Variants in IRAG1 observed in about 807,000 individuals in gnomAD.
The protein encoded by IRAG1 is inositol 1,4,5-triphosphate receptor associated 1.
In IRAG1, 62 loss-of-function variants were observed where a neutral mutation model predicts 106.2. That is an observed-to-expected ratio of 0.58 (90% CI 0.48 to 0.72). The LOEUF (loss-of-function observed/expected upper bound fraction) is 0.72. IRAG1 is among the 30% of genes least tolerant of loss of function. The pLI is 0.00. For synonymous variants in IRAG1, 462 were observed against 443.9 expected, an observed-to-expected ratio of 1.04 and a Z score of -0.51; for missense variants, 1,064 against 1,140.7, an observed-to-expected ratio of 0.93 and a Z score of 0.97.
At chr11:10,579,788 G>A (rs1851209473) in intron 20 of IRAG1, among the ~76,000 whole-genome samples, 1 of 152,138 alleles carries the variant, frequency 6.6e-6, no homozygotes, top group African/African-American at 2.4e-5. Context: ...GGCCAGGCAG[G>A]AACCACAAGT....
chr11:10,581,260 G>A (rs1851361800), intron 19 of IRAG1, among the ~76,000 whole-genome samples: 1 of 152,140 alleles, frequency 6.6e-6, no homozygotes. Context: ...TGTGCCAGTG[G>A]GAAGCTATGT....
chr11:10,667,529 CAT>C (rs1859880686), intron 1 of IRAG1, among the ~76,000 whole-genome samples: 1 of 152,134 alleles, frequency 6.6e-6, no homozygotes, highest in South Asian at 2.1e-4. Flanking sequence ...ATTCCCTACT[CAT>C]AAAAATCTAG....
intron 2 of IRAG1, among the ~76,000 whole-genome samples, chr11:10,649,518 C>T (rs1016234057): frequency 3.3e-5 from 5 of 152,168 alleles, no homozygotes; most frequent in Non-Finnish European, 7.3e-5. Flanking sequence ...GGTCTCTTGA[C>T]CAGAATGTAG....
At position 10,647,569 on chromosome 11, in the gene IRAG1, T is replaced by C. The variant is rs1858065490; in HGVS notation, c.225+4456A>G. On this transcript the variant is annotated intron_variant, in intron 2 of 20. Transcript: ENST00000423302. This position sits in a 1 kb window ranked among gnomAD's most constrained non-coding sequence, Gnocchi z 4.3. Reference sequence around the variant, plus strand: ...GCTTCTAAAACCCTTTGGAGGAGGATGGGAGTTGTTCAGGTGGAAGCTAGA... The same window carrying C: ...GCTTCTAAAACCCTTTGGAGGAGGACGGGAGTTGTTCAGGTGGAAGCTAGA... Among the ~76,000 whole-genome samples the C allele has an allele frequency of 6.6e-6, 1 of 152,104 alleles. No individual in the cohort carries two copies. The highest frequency in any genetic ancestry group is 2.1e-4 in the South Asian group (1 of 4,818).
At chr11:10,688,370 G>A (rs1050562782) in intron 1 of IRAG1, among the ~76,000 whole-genome samples, 7 of 152,106 alleles carry the variant, frequency 4.6e-5, no homozygotes, top group African/African-American at 1.7e-4. Flanking sequence ...CAGAGCCCGG[G>A]GTTATTTTCA....
chr11:10,682,895 C>T (rs1191253495), intron 1 of IRAG1, among the ~76,000 whole-genome samples: 1 of 152,162 alleles, frequency 6.6e-6, no homozygotes, highest in Admixed American at 6.5e-5. Flanking sequence ...TGACCCTGAT[C>T]CAAGCTGGAC....
chr11:10,679,892 C>A (rs1177707286), intron 1 of IRAG1, among the ~76,000 whole-genome samples: 3 of 152,162 alleles, frequency 2.0e-5, no homozygotes, highest in Admixed American at 6.5e-5. Flanking sequence ...TATAAATCTG[C>A]AAGAAGGGGT....
intron 15 of IRAG1, 76 bp from the exon 16 acceptor site, chr11:10,594,271 T>G: frequency 7.1e-7 from 1 of 1,408,380 alleles, no homozygotes; most frequent in Non-Finnish European, 9.9e-7. Context: ...GAAACTAGGC[T>G]ATCGTATCCA....
In IRAG1 at chr11:10,616,375, A is replaced by G. The variant is rs149021253; in HGVS notation, c.1448-6524T>C. Among the ~76,000 whole-genome samples, 107 of 152,262 alleles carry G rather than the reference A, an allele frequency of 7.0e-4. 1 individual carries two copies. The highest frequency in any genetic ancestry group is 2.3e-3 in the African/African-American group (97 of 41,538). ...GAATATATCTAGAAGTTACACTAAA[A>G]CATAGTGACAGTGGTTGCCTCTGCT... On this transcript the variant is annotated intron_variant, in intron 10 of 20. Transcript: ENST00000423302.
intron 18 of IRAG1, among the ~76,000 whole-genome samples, chr11:10,586,707 C>T (rs150647986): frequency 5.1e-4 from 78 of 152,244 alleles, no homozygotes; most frequent in African/African-American, 1.6e-3. Context: ...CATGAGCCAC[C>T]GCACCTGGCC....
At chr11:10,607,731 A>G (rs1411268196) in intron 11 of IRAG1, among the ~76,000 whole-genome samples, 3 of 152,164 alleles carry the variant, frequency 2.0e-5, no homozygotes, top group African/African-American at 4.8e-5. Context: ...CCCCAAGAGC[A>G]AAGGTAGGGG....
chr11:10,634,531 T>A (rs199721085), intron 2 of IRAG1, among the ~76,000 whole-genome samples: 1 of 152,234 alleles, frequency 6.6e-6, no homozygotes, highest in East Asian at 1.9e-4. Context: ...TTGAATTCTT[T>A]GACCAACATC....
At chr11:10,598,481 G>A (rs2134277497) in intron 15 of IRAG1, among the ~76,000 whole-genome samples, 1 of 152,306 alleles carries the variant, frequency 6.6e-6, no homozygotes, top group South Asian at 2.1e-4. Flanking sequence ...AAGCTTACAA[G>A]TGGCAAAGGT....
chr11:10,646,819 G>A (rs1294920426), intron 2 of IRAG1, among the ~76,000 whole-genome samples: 1 of 152,180 alleles, frequency 6.6e-6, no homozygotes, highest in Non-Finnish European at 1.5e-5. Flanking sequence ...CCAGGCAATA[G>A]CATGGTGGCC....
chr11:10,635,054 G>A (rs991870460), intron 2 of IRAG1, among the ~76,000 whole-genome samples: 28 of 152,148 alleles, frequency 1.8e-4, no homozygotes, highest in African/African-American at 5.8e-4. Flanking sequence ...TGCAGGAAAA[G>A]AATGGTACAG....
intron 2 of IRAG1, among the ~76,000 whole-genome samples, chr11:10,636,433 T>C (rs1478602625): frequency 3.9e-5 from 6 of 152,188 alleles, no homozygotes; most frequent in Non-Finnish European, 8.8e-5. Flanking sequence ...CACGTCTGCC[T>C]CTGAAGGTGC....
chr11:10,688,760 T>C (rs914876897), intron 1 of IRAG1, among the ~76,000 whole-genome samples: 8 of 152,218 alleles, frequency 5.3e-5, no homozygotes, highest in African/African-American at 1.7e-4. Flanking sequence ...TTATACACTA[T>C]GCTCACAATT....
chr11:10,605,128 G>A (rs545904272), intron 12 of IRAG1, among the ~76,000 whole-genome samples: 9 of 152,202 alleles, frequency 5.9e-5, no homozygotes, highest in Non-Finnish European at 1.0e-4. Flanking sequence ...ATAAATAAAT[G>A]TTTCATGCTA....
At chr11:10,586,416 CTT>C (rs1215933252) in intron 18 of IRAG1, among the ~76,000 whole-genome samples, 10 of 140,972 alleles carry the variant, frequency 7.1e-5, no homozygotes, top group Non-Finnish European at 9.3e-5. Context: ...TTGATCTCTC[CTT>C]TTTTTTTTTT....
Sources: allele counts gnomAD v4.1 joint callset (sites outside exome capture counted in the v4.1 genomes callset), GRCh38; gene constraint gnomAD v4.1.1; non-coding constraint Gnocchi (gnomAD v3.1); transcripts MANE v1.5; gene names NCBI Gene and HGNC (gene_info 2026-07-23, HGNC 2026-07-21).